The following WDR91 variants were observed in gnomAD, a reference collection of about 807,000 sequenced individuals.
The protein encoded by WDR91 is WD repeat domain 91.
Under a neutral mutation model 88.4 loss-of-function variants are expected in WDR91, and 52 were observed. That is an observed-to-expected ratio of 0.59 (90% CI 0.47 to 0.74). The LOEUF is 0.74. WDR91 is among the 30% of genes least tolerant of loss of function. The probability of loss-of-function intolerance (pLI) is 0.00; values close to 1 mark genes in which losing one functional copy is unlikely to be tolerated. For missense variants in WDR91, 824 were observed against 954.5 expected (o/e 0.86, Z 1.80); for synonymous variants, 362 against 389.5 (o/e 0.93, Z 0.83).
chr7:135,197,893 C>T, intron 7 of WDR91, 100 bp downstream of exon 7: 2 of 1,449,604 alleles, frequency 1.4e-6, no homozygotes, highest in South Asian at 1.4e-5. Context: ...GCACACTCTG[C>T]ACAGCTGCAG....
rs1585442114 is a variant in WDR91, at chr7:135,208,785, G to A, written c.511+6C>T. On this transcript the variant is annotated splice_donor_region_variant and intron_variant, in intron 3 of 14. Coordinates refer to ENST00000354475, the MANE Select transcript of WDR91 (RefSeq NM_014149.4). Reference sequence around the variant, plus strand: ...GGCCTTCAGCCCCAGGCAACTGAAAGGATATGCATGCACTGAAACAGGACG... The same window carrying A: ...GGCCTTCAGCCCCAGGCAACTGAAAAGATATGCATGCACTGAAACAGGACG... 1 of 1,585,224 alleles carries A rather than the reference G, an allele frequency of 6.3e-7. No individual in the cohort carries two copies. The highest frequency in any genetic ancestry group is 1.3e-5 in the African/African-American group (1 of 74,350).
chr7:135,210,820 A>G (rs1162468934), intron 1 of WDR91: 1 of 703,672 alleles, frequency 1.4e-6, no homozygotes, highest in Admixed American at 2.0e-5. Context: ...ACACACATAT[A>G]CATTCCAAGA....
chr7:135,206,337 T>A (rs1262746126), intron 4 of WDR91, among the ~76,000 whole-genome samples: 2 of 151,930 alleles, frequency 1.3e-5, no homozygotes, highest in Admixed American at 6.6e-5. Context: ...GAAAAATAGC[T>A]CCACCCAACC....
Position 135,198,146 on chromosome 7 carries a change from G to A in WDR91, c.897C>T (p.Thr299=). Residue 299 remains threonine (T), a synonymous_variant, in exon 7 of 15, where the codon ACC becomes ACT. Transcript: ENST00000354475. ...CTCCGGACGTCGGGTCCTTTCCCTTGGTGCCCTAGAGGAAAAGAAGCTGGC... is the reference window on the plus strand; with the variant it reads ...CTCCGGACGTCGGGTCCTTTCCCTTAGTGCCCTAGAGGAAAAGAAGCTGGC... ...AKKESFGGQG[T]KGKDPTSGAK... 1 of 1,611,980 alleles carries A rather than the reference G, an allele frequency of 6.2e-7. No homozygotes were observed. Among genetic ancestry groups the A allele is most frequent in the Non-Finnish European group, 8.5e-7 (1 of 1,179,084 alleles).
At chr7:135,194,897 G>A (rs895866730) in intron 9 of WDR91, 37 bp downstream of exon 9, 33 of 1,610,004 alleles carry the variant, frequency 2.0e-5, no homozygotes, top group Non-Finnish European at 2.7e-5. Flanking sequence ...CCTCCACTGA[G>A]CCAGCAAAGC....
At chr7:135,208,585 C>G (rs1459546885) in intron 3 of WDR91, among the ~76,000 whole-genome samples, 1 of 152,224 alleles carries the variant, frequency 6.6e-6, no homozygotes, top group Non-Finnish European at 1.5e-5. Flanking sequence ...AATACTTCAG[C>G]AGCACAGTGT....
intron 1 of WDR91, among the ~76,000 whole-genome samples, chr7:135,211,098 C>T (rs746208937): frequency 2.6e-5 from 4 of 152,198 alleles, no homozygotes; most frequent in Non-Finnish European, 5.9e-5. Flanking sequence ...GCCATCCTGG[C>T]CAAGGAGGCT....
intron 6 of WDR91, chr7:135,202,143 A>C (rs1831597607): frequency 2.0e-5 from 3 of 152,266 alleles, no homozygotes; most frequent in African/African-American, 7.2e-5. Flanking sequence ...TAGCTTTCTA[A>C]CATGCATATG....
chr7:135,211,264 G>A (rs571139055), intron 1 of WDR91, 116 bp downstream of exon 1: 4 of 1,432,922 alleles, frequency 2.8e-6, no homozygotes, highest in Non-Finnish European at 2.7e-6. Context: ...TGAGGTCTCC[G>A]GCGCCCCGGC....
At chr7:135,197,872 A>G in intron 7 of WDR91, 121 bp downstream of exon 7, 3 of 1,297,556 alleles carry the variant, frequency 2.3e-6, no homozygotes, top group Non-Finnish European at 3.2e-6. Context: ...ATTGAAACCA[A>G]TTAAGCAAAA....
chr7:135,196,718 C>G lies in WDR91; in HGVS notation c.1051-381G>C, dbSNP rs1313906347. On this transcript the variant is annotated intron_variant, in intron 7 of 14. Coordinates refer to ENST00000354475, the MANE Select transcript of WDR91 (RefSeq NM_014149.4). The surrounding 1 kb of genome is among the most constrained non-coding windows in gnomAD (Gnocchi z 4.2). ...CAGATTTCTCTCATTTAGTCCTCCT[C>G]AAACAATGAGATGCTATTATCTTCC... 6.6e-6 allele frequency among the ~76,000 whole-genome samples: 1 copy of G among 152,218 alleles called. No individual in the cohort carries two copies. The highest frequency in any genetic ancestry group is 6.5e-5 in the Admixed American group (1 of 15,284).
rs189640765 is a variant in WDR91, at chr7:135,203,186, C to A, written c.891+1082G>T. 1.4e-3 allele frequency among the ~76,000 whole-genome samples: 213 copies of A among 152,316 alleles called. 4 individuals are homozygous for A. Among genetic ancestry groups the A allele is most frequent in the Admixed American group, 0.013 (201 of 15,294 alleles). On this transcript the variant is annotated intron_variant, in intron 6 of 14. Transcript: ENST00000354475. ...CCCCAAAGCCCATGCTCTTTCTGAT[C>A]CAGTGTCCTGCTCAGTGTTTCAGTT...
chr7:135,189,230 G>A, intron 12 of WDR91, 114 bp downstream of exon 12: 1 of 802,458 alleles, frequency 1.2e-6, no homozygotes, highest in Admixed American at 2.4e-5. Flanking sequence ...TGCATCTGAA[G>A]TCAGGGTTTT....
chr7:135,207,409 G>A (rs751100590), intron 3 of WDR91: 12 of 568,732 alleles, frequency 2.1e-5, no homozygotes, highest in East Asian at 1.6e-4. Context: ...CATTTCATTC[G>A]GACAGATTCA....
At chr7:135,192,115 T>TG in intron 11 of WDR91, among the ~76,000 whole-genome samples, 1 of 24,482 alleles carries the variant, frequency 4.1e-5, no homozygotes, top group Non-Finnish European at 1.6e-4. Context: ...TGTGTTTTTT[T>TG]TTTTTTTTTT....
chr7:135,193,439 C>A, intron 10 of WDR91, 40 bp from the exon 11 acceptor site: 1 of 1,611,174 alleles, frequency 6.2e-7, no homozygotes, highest in Non-Finnish European at 8.5e-7. Context: ...CTCTGCCTGC[C>A]CACAGAGGGA....
At chr7:135,193,024 T>C (rs2117649704) in intron 11 of WDR91, among the ~76,000 whole-genome samples, 1 of 152,314 alleles carries the variant, frequency 6.6e-6, no homozygotes, top group African/African-American at 2.4e-5. Context: ...TCTGGTAGGT[T>C]CTGGGTGTCT....
At position 135,188,478 on chromosome 7, in the gene WDR91, G is replaced by C. The variant is rs1308531216; in HGVS notation, c.1836C>G (p.Phe612Leu). Reference sequence around the variant, plus strand: ...TGTACACGGTGTTCTCATCATAGCTGAACTCCACAGAGTAGACCTCCCCGT... The same window carrying C: ...TGTACACGGTGTTCTCATCATAGCTCAACTCCACAGAGTAGACCTCCCCGT... ...AHYGEVYSVE[F>L]SYDENTVYSI... Residue 612 changes from phenylalanine (F) to leucine (L), a missense_variant, in exon 13 of 15, where the codon TTC becomes TTG. Transcript: ENST00000354475. 1 of 1,614,048 alleles carries C rather than the reference G, an allele frequency of 6.2e-7. No homozygotes were observed.
At chr7:135,193,485 G>C (rs2278128) in intron 10 of WDR91, 86 bp from the exon 11 acceptor site, 410,728 of 1,609,172 alleles carry the variant, frequency 0.26, 53,387 homozygotes, top group African/African-American at 0.28. Flanking sequence ...ATCCTGCACA[G>C]GAGATGGGGC....
Sources: allele counts gnomAD v4.1 joint callset (sites outside exome capture counted in the v4.1 genomes callset), GRCh38; gene constraint gnomAD v4.1.1; non-coding constraint Gnocchi (gnomAD v3.1); transcripts MANE v1.5; gene names NCBI Gene and HGNC (gene_info 2026-07-23, HGNC 2026-07-21).